Variants in GALNTL6 observed in about 807,000 individuals in gnomAD.
GALNTL6 encodes polypeptide N-acetylgalactosaminyltransferase like 6, also known as polypeptide N-acetylgalactosaminyltransferase-like 6.
In GALNTL6, 46 loss-of-function variants were observed where a neutral mutation model predicts 73.7. That is an observed-to-expected ratio of 0.62 (90% CI 0.49 to 0.80). GALNTL6 has a LOEUF of 0.80. Among genes scored for constraint, GALNTL6 ranks in the 30% least tolerant of loss-of-function variants. The probability of loss-of-function intolerance (pLI) is 0.00; values close to 1 mark genes in which losing one functional copy is unlikely to be tolerated. For missense variants in GALNTL6, 604 were observed against 755.0 expected (o/e 0.80, Z 2.34); for synonymous variants, 259 against 263.7 (o/e 0.98, Z 0.17).
At chr4:172,155,677 G>A (rs1734232041) in intron 2 of GALNTL6, among the ~76,000 whole-genome samples, 2 of 152,122 alleles carry the variant, frequency 1.3e-5, no homozygotes, top group African/African-American at 4.8e-5. Context: ...TAATGTTCAA[G>A]CAGTATTTAA....
intron 12 of GALNTL6, among the ~76,000 whole-genome samples, chr4:173,031,734 T>C (rs1238112368): frequency 6.6e-6 from 1 of 152,214 alleles, no homozygotes; most frequent in Non-Finnish European, 1.5e-5. Flanking sequence ...CATGCAGGTT[T>C]ACTGAGGGGA....
intron 2 of GALNTL6, among the ~76,000 whole-genome samples, chr4:172,092,861 A>AT (rs200326073): frequency 1.4e-5 from 2 of 146,064 alleles, no homozygotes; most frequent in Non-Finnish European, 3.0e-5. Flanking sequence ...GCTAAAGCTA[A>AT]TTTTTTTTCT....
chr4:172,754,420 A>C (rs1468733201), intron 5 of GALNTL6, among the ~76,000 whole-genome samples: 2 of 152,068 alleles, frequency 1.3e-5, no homozygotes, highest in Non-Finnish European at 2.9e-5. Context: ...AAAATGCAAA[A>C]AATTAGCCAG....
intron 2 of GALNTL6, among the ~76,000 whole-genome samples, chr4:172,141,811 C>T (rs961461149): frequency 6.6e-6 from 1 of 151,556 alleles, no homozygotes; most frequent in Non-Finnish European, 1.5e-5. Flanking sequence ...TACTAACTTG[C>T]TATTTAACAC....
At chr4:172,329,636 A>T (rs113936501) in intron 4 of GALNTL6, among the ~76,000 whole-genome samples, 3,935 of 152,246 alleles carry the variant, frequency 0.026, 142 homozygotes, top group African/African-American at 0.084. Context: ...TGTGTGAAAA[A>T]GCAGTCTGGC....
intron 2 of GALNTL6, among the ~76,000 whole-genome samples, chr4:171,847,269 T>G (rs968035301): frequency 5.3e-5 from 8 of 152,218 alleles, no homozygotes; most frequent in African/African-American, 1.7e-4. Flanking sequence ...GTTTACACTA[T>G]ACTATAGTCT....
chr4:172,830,923 G>T (rs1305288005), intron 7 of GALNTL6, among the ~76,000 whole-genome samples: 1 of 152,132 alleles, frequency 6.6e-6, no homozygotes, highest in Admixed American at 6.5e-5. Context: ...ACTTTGAGAG[G>T]CTGAGGCAGG....
chr4:171,855,404 C>G (rs1447640023), intron 2 of GALNTL6, among the ~76,000 whole-genome samples: 1 of 152,174 alleles, frequency 6.6e-6, no homozygotes, highest in Non-Finnish European at 1.5e-5. Flanking sequence ...GTTTCTTTCA[C>G]GTAGCAATAT....
rs550879414 is a variant in GALNTL6 at position 171,890,924 on chromosome 4, T to C, written c.138+76206T>C. 6.6e-5 allele frequency among the ~76,000 whole-genome samples: 10 copies of C among 152,288 alleles called. No individual in the cohort carries two copies. The South Asian group carries it at 2.1e-3, about 32-fold the overall frequency. On this transcript the variant is annotated intron_variant, in intron 2 of 12. Transcript: ENST00000506823. ...ATTAGCCTTATCCCTTCTTATTGTGTTCTTGTTACTGCTAAATAACTTCAT... is the reference window on the plus strand; with the variant it reads ...ATTAGCCTTATCCCTTCTTATTGTGCTCTTGTTACTGCTAAATAACTTCAT...
At chr4:172,352,138 A>G (rs1407853412) in intron 5 of GALNTL6, among the ~76,000 whole-genome samples, 1 of 152,202 alleles carries the variant, frequency 6.6e-6, no homozygotes, top group Non-Finnish European at 1.5e-5. Context: ...GTAAAATACT[A>G]AAATATTAGA....
At chr4:172,782,835 A>G (rs1394667217) in intron 5 of GALNTL6, among the ~76,000 whole-genome samples, 1 of 151,980 alleles carries the variant, frequency 6.6e-6, no homozygotes, top group Non-Finnish European at 1.5e-5. Flanking sequence ...TGTGTGCTTA[A>G]TGAGAAAGAA....
chr4:172,638,038 A>G (rs1487742931), intron 5 of GALNTL6, among the ~76,000 whole-genome samples: 1 of 152,098 alleles, frequency 6.6e-6, no homozygotes, highest in Non-Finnish European at 1.5e-5. Flanking sequence ...TTCTTTCTTT[A>G]ATATAACTGG....
intron 5 of GALNTL6, among the ~76,000 whole-genome samples, chr4:172,547,819 T>C (rs550133083): frequency 6.6e-6 from 1 of 152,314 alleles, no homozygotes; most frequent in African/African-American, 2.4e-5. Context: ...TGCCTCTCAG[T>C]GTTTAAGCCA....
chr4:172,762,902 T>TA (rs1168281967), intron 5 of GALNTL6, among the ~76,000 whole-genome samples: 1 of 113,928 alleles, frequency 8.8e-6, no homozygotes, highest in Non-Finnish European at 1.8e-5. Context: ...AATATTTGTT[T>TA]AAAAAACATT....
At chr4:172,378,742 A>AAT (rs1435741874) in intron 5 of GALNTL6, among the ~76,000 whole-genome samples, 1 of 152,086 alleles carries the variant, frequency 6.6e-6, no homozygotes, top group Non-Finnish European at 1.5e-5. Context: ...TAGTGTATAT[A>AAT]CCTTGATTTA....
intron 2 of GALNTL6, among the ~76,000 whole-genome samples, chr4:171,867,705 C>T (rs1736007634): frequency 1.3e-5 from 2 of 152,190 alleles, no homozygotes; most frequent in South Asian, 4.1e-4. Flanking sequence ...GTGGATCCAA[C>T]AGATGTCTTC....
At chr4:172,463,043 T>C (rs534811420) in intron 5 of GALNTL6, among the ~76,000 whole-genome samples, 1 of 152,314 alleles carries the variant, frequency 6.6e-6, no homozygotes, top group South Asian at 2.1e-4. Context: ...TTATAAGATA[T>C]CTAAAACCTG....
chr4:171,967,456 T>TTTTTTTGG (rs1560863207), intron 2 of GALNTL6, among the ~76,000 whole-genome samples: 3 of 140,708 alleles, frequency 2.1e-5, no homozygotes, highest in East Asian at 4.2e-4. Context: ...GGTTTTTTTT[T>TTTTTTTGG]TTTTTTTTTG....
chr4:172,911,183 G>A (rs1747180401), intron 8 of GALNTL6, among the ~76,000 whole-genome samples: 1 of 152,164 alleles, frequency 6.6e-6, no homozygotes, highest in Non-Finnish European at 1.5e-5. Flanking sequence ...TGACTCCCTG[G>A]AAGGGTAAAA....
Sources: allele counts gnomAD v4.1 joint callset (sites outside exome capture counted in the v4.1 genomes callset), GRCh38; gene constraint gnomAD v4.1.1; transcripts MANE v1.5; gene names NCBI Gene and HGNC (gene_info 2026-07-23, HGNC 2026-07-21).